PPM1A: variants seen among roughly 807,000 people sequenced by gnomAD.
The protein encoded by PPM1A is protein phosphatase 1A.
In PPM1A, 7 loss-of-function variants were observed where a neutral mutation model predicts 35.0. The observed-to-expected ratio is 0.20, with a 90% CI of 0.11 to 0.38. The LOEUF is 0.38. Ranked by LOEUF, PPM1A falls within the 10% of genes least tolerant of loss-of-function variation. The pLI, the probability that PPM1A is intolerant of heterozygous loss-of-function variation, is 1.00. For synonymous variants in PPM1A, 153 were observed against 167.3 expected (o/e 0.91, Z 0.66); for missense variants, 239 against 467.8 (o/e 0.51, Z 4.51).
rs182966434 is a variant in PPM1A, at chr14:60,262,146, C to G, written c.-21+12469C>G. Among the ~76,000 whole-genome samples, 543 of 152,118 alleles carry G rather than the reference C, an allele frequency of 3.6e-3. 8 individuals carry two copies. Among genetic ancestry groups the G allele is most frequent in the Middle Eastern group, 0.014 (4 of 294 alleles). ...ATCTGAATGTTTATAGTAGTAGAAA[C>G]CAAGTTTACAAAATGTCTATATATA... On this transcript the variant is annotated intron_variant, in intron 1 of 5. Transcript: ENST00000395076.
chr14:60,280,353 GGTTCAGTAGTCACACTATTACTAAGTA>G (rs940403763), intron 1 of PPM1A, among the ~76,000 whole-genome samples: 1 of 152,146 alleles, frequency 6.6e-6, no homozygotes, highest in African/African-American at 2.4e-5. Context: ...GATTCGGAAA[GGTTCAGTAGTCACACTATTACTAAGTA>G]GTAGAGCCAG....
chr14:60,265,129 T>C (rs138275299), intron 1 of PPM1A, among the ~76,000 whole-genome samples: 2 of 152,348 alleles, frequency 1.3e-5, no homozygotes, highest in African/African-American at 4.8e-5. Context: ...ATCTTTATAT[T>C]GGAGGCTTGA....
At chr14:60,272,579 C>T (rs1340603380) in intron 1 of PPM1A, among the ~76,000 whole-genome samples, 1 of 150,898 alleles carries the variant, frequency 6.6e-6, no homozygotes, top group African/African-American at 2.4e-5. Context: ...CGTGGTGGCA[C>T]ATGCCTGTAA....
Position 60,274,393 on chromosome 14 carries a change from A to G in PPM1A, c.-20-8291A>G, listed in dbSNP as rs192830389. Reference sequence around the variant, plus strand: ...TTAACTGTAAAGAGAAGAGAGGCACATGGGTAGCTCGAGGGGAATAAGTCA... The same window carrying G: ...TTAACTGTAAAGAGAAGAGAGGCACGTGGGTAGCTCGAGGGGAATAAGTCA... On this transcript the variant is annotated intron_variant, in intron 1 of 5. Transcript: ENST00000395076. 1.9e-3 allele frequency among the ~76,000 whole-genome samples: 287 copies of G among 152,252 alleles called. 3 individuals carry two copies. The highest frequency in any genetic ancestry group is 3.4e-3 in the Middle Eastern group (1 of 292).
upstream of PPM1A, among the ~76,000 whole-genome samples, chr14:60,247,627 CAAAAAAAAAA>C (rs58749853): frequency 8.0e-5 from 4 of 50,172 alleles, no homozygotes; most frequent in South Asian, 6.6e-4. Flanking sequence ...GACTCTGTCT[CAAAAAAAAAA>C]AAAAAAAAAA....
chr14:60,294,841 C>T lies in PPM1A; in HGVS notation c.*2359C>T, dbSNP rs1282051518. 9 of 151,674 alleles carry T rather than the reference C, an allele frequency of 5.9e-5. No individual in the cohort carries two copies. Among genetic ancestry groups the T allele is most frequent in the Non-Finnish European group, 1.3e-4 (9 of 67,786 alleles). The allele number at this position is 151,674 out of a possible 1,614,324, so 9.4% of individuals were successfully genotyped here. ...TGATGTGAGAAGACTAAATCTTTTC[C>T]ACATGAGTCAGCACTGCCATACTAA... is the stretch of plus-strand genomic sequence containing the variant. On this transcript the variant is annotated 3_prime_UTR_variant, in exon 6 of 6. Transcript: ENST00000395076.
At chr14:60,269,203 A>G (rs938173846) in intron 1 of PPM1A, among the ~76,000 whole-genome samples, 2 of 152,042 alleles carry the variant, frequency 1.3e-5, no homozygotes, top group African/African-American at 4.8e-5. Context: ...TTTTTTGCCT[A>G]GTGTATTTCG....
intron 1 of PPM1A, among the ~76,000 whole-genome samples, chr14:60,280,883 T>C (rs1465837498): frequency 6.6e-6 from 1 of 152,212 alleles, no homozygotes; most frequent in East Asian, 1.9e-4. Flanking sequence ...TGCACAGCCA[T>C]GGTAGAGACC....
chr14:60,255,362 G>A (rs1039083079), intron 1 of PPM1A, among the ~76,000 whole-genome samples: 27 of 151,020 alleles, frequency 1.8e-4, no homozygotes, highest in Non-Finnish European at 3.4e-4. Flanking sequence ...TAGTAGAGAC[G>A]GGGTTTCACC....
chr14:60,248,466 TCA>T (rs1881936874), upstream of PPM1A, among the ~76,000 whole-genome samples: 2 of 152,320 alleles, frequency 1.3e-5, no homozygotes, highest in Non-Finnish European at 2.9e-5. Flanking sequence ...CGTGCGTGAA[TCA>T]GTTGCACTCG....
At chr14:60,287,665 A>G in intron 3 of PPM1A, 1 of 985,314 alleles carries the variant, frequency 1.0e-6, no homozygotes, top group Non-Finnish European at 1.2e-6. Flanking sequence ...TCCACACCAT[A>G]GAAAAGGACA....
chr14:60,288,473 A>T, intron 3 of PPM1A: 1 of 983,752 alleles, frequency 1.0e-6, no homozygotes, highest in Non-Finnish European at 1.2e-6. Context: ...ATTTTTGTAC[A>T]GCAGATTTCC....
intron 1 of PPM1A, among the ~76,000 whole-genome samples, chr14:60,259,139 C>CA (rs1337836185): frequency 6.6e-6 from 1 of 151,958 alleles, no homozygotes; most frequent in Non-Finnish European, 1.5e-5. Context: ...CCTACATACA[C>CA]AAAAAAATTG....
chr14:60,278,154 G>C (rs1219329087), intron 1 of PPM1A, among the ~76,000 whole-genome samples: 1 of 152,144 alleles, frequency 6.6e-6, no homozygotes, highest in Non-Finnish European at 1.5e-5. Context: ...TTAAGCCTGT[G>C]ACTACCTGTT....
Position 60,285,629 on chromosome 14 carries a change from T to C in PPM1A, c.840T>C (p.Ser280=). ...TCAAATTTTTTTCTTCCCAGGGAAGTCGAGACAACATGAGTGTGATTTTGA... is the reference window on the plus strand; with the variant it reads ...TCAAATTTTTTTCTTCCCAGGGAAGCCGAGACAACATGAGTGTGATTTTGA... ...EVVDTCLYKG[S]RDNMSVILIC... The change falls in exon 3 of 6, where the codon AGT becomes AGC. Residue 280 remains serine, a synonymous_variant. Transcript: ENST00000395076. The C allele has an allele frequency of 6.2e-7, 1 of 1,612,354 alleles. No homozygotes were observed. Among genetic ancestry groups the C allele is most frequent in the East Asian group, 2.2e-5 (1 of 44,866 alleles).
chr14:60,256,810 C>G (rs769568108), intron 1 of PPM1A: 6 of 152,150 alleles, frequency 3.9e-5, no homozygotes, highest in Non-Finnish European at 7.4e-5. Context: ...AATACATGTT[C>G]TTGGACTTTG....
chr14:60,270,850 A>T (rs1296442914), intron 1 of PPM1A, among the ~76,000 whole-genome samples: 6 of 152,240 alleles, frequency 3.9e-5, no homozygotes, highest in African/African-American at 1.2e-4. Flanking sequence ...TGTTGAAATT[A>T]CTGCACATTT....
In PPM1A at chr14:60,289,923, C is replaced by A. The variant is rs749534140; in HGVS notation, c.1061+9C>A. On this transcript the variant is annotated intron_variant, in intron 4 of 5. Coordinates refer to ENST00000395076, the MANE Select transcript of PPM1A (RefSeq NM_021003.5). The surrounding 1 kb of genome is among the most constrained non-coding windows in gnomAD (Gnocchi z 4.1). ...GGTGAATTGGCAAGCAAGTAAGTTA[C>A]ATTCTGTACACTCTTATGCTTTATG... is the stretch of plus-strand genomic sequence containing the variant. 1.3e-6 allele frequency: 2 copies of A among 1,525,278 alleles called. No individual in the cohort carries two copies. Among genetic ancestry groups the A allele is most frequent in the Non-Finnish European group, 8.9e-7 (1 of 1,120,924 alleles). 94.5% of individuals were successfully genotyped at this position (1,525,278 alleles called of 1,614,324 possible).
intron 2 of PPM1A, among the ~76,000 whole-genome samples, chr14:60,284,486 C>CA: frequency 6.6e-6 from 1 of 151,860 alleles, no homozygotes; most frequent in South Asian, 2.1e-4. Context: ...CTAAAAAACA[C>CA]AAAAAATTAG....
Sources: allele counts gnomAD v4.1 joint callset (sites outside exome capture counted in the v4.1 genomes callset), GRCh38; gene constraint gnomAD v4.1.1; non-coding constraint Gnocchi (gnomAD v3.1); transcripts MANE v1.5; gene names NCBI Gene and HGNC (gene_info 2026-07-23, HGNC 2026-07-21).